NRXN1: variants seen among roughly 807,000 people sequenced by gnomAD.
NRXN1 encodes the protein neurexin-1.
NRXN1 carries 39 observed loss-of-function variants against 150.9 expected under a neutral mutation model. That is an observed-to-expected ratio of 0.26 (90% confidence interval 0.20 to 0.34). The LOEUF is 0.34. Ranked by LOEUF, NRXN1 falls within the 10% of genes least tolerant of loss-of-function variation. The pLI is 1.00. For synonymous variants in NRXN1, 924 were observed against 757.0 expected (o/e 1.22, Z -3.62); for missense variants, 1,815 against 1,949.9 (o/e 0.93, Z 1.30).
intron 2 of NRXN1, among the ~76,000 whole-genome samples, chr2:50,981,554 T>G (rs1432696733): frequency 1.3e-5 from 2 of 151,770 alleles, no homozygotes; most frequent in Non-Finnish European, 2.9e-5. Flanking sequence ...CCATTTGTAT[T>G]ACGTATTAAT....
At chr2:50,027,812 T>A (rs937403947) in intron 21 of NRXN1, among the ~76,000 whole-genome samples, 3 of 152,162 alleles carry the variant, frequency 2.0e-5, no homozygotes, top group Non-Finnish European at 2.9e-5. Flanking sequence ...CTAACACCTT[T>A]GCTCAAACTG....
At chr2:50,398,379 T>A (rs1969351) in intron 17 of NRXN1, among the ~76,000 whole-genome samples, 40,087 of 151,922 alleles carry the variant, frequency 0.26, 6,069 homozygotes, top group African/African-American at 0.4. Context: ...CTAAAAAGGG[T>A]ATACTATTCA....
chr2:50,053,530 C>A lies in NRXN1; in HGVS notation c.3869G>T (p.Gly1290Val), dbSNP rs1558777086. 8.7e-6 allele frequency: 14 copies of A among 1,614,062 alleles called. No homozygotes were observed. Among genetic ancestry groups the A allele is most frequent in the Non-Finnish European group, 1.2e-5 (14 of 1,179,942 alleles). ...ATIIIGGKEQ[G>V]QPFQGQLSGL... Reference sequence around the variant, plus strand: ...AGAGAGCTGGCCCTGGAAGGGCTGGCCCTGCTCTTTCCCGCCAATTATTAT... The same window carrying A: ...AGAGAGCTGGCCCTGGAAGGGCTGGACCTGCTCTTTCCCGCCAATTATTAT... Residue 1290 changes from glycine (G) to valine (V), a missense_variant, in exon 21 of 23, where the codon GGC becomes GTC. Around this residue, in one of 6 missense-constraint regions of NRXN1, gnomAD observed 265 missense variants for 307.1 expected, o/e 0.86. Transcript: ENST00000401669.
intron 18 of NRXN1, among the ~76,000 whole-genome samples, chr2:50,153,930 C>T (rs1048194872): frequency 6.6e-6 from 1 of 151,686 alleles, no homozygotes; most frequent in Non-Finnish European, 1.5e-5. Flanking sequence ...ATGGCTTCTA[C>T]AAGCTGCATG....
In NRXN1 at chr2:50,421,718, T is replaced by C. The variant is rs532459352; in HGVS notation, c.3364+43724A>G. 4.6e-5 allele frequency among the ~76,000 whole-genome samples: 7 copies of C among 152,288 alleles called. No individual in the cohort carries two copies. In the East Asian group the frequency reaches 1.2e-3, roughly 25 times the overall value. ...TGGACTCCTAAACAGAGCAATTCAA[T>C]GTATTTTGTAGCTAAACAAAGTGCA... On this transcript the variant is annotated intron_variant, in intron 17 of 22. Coordinates refer to ENST00000401669, the MANE Select transcript of NRXN1 (RefSeq NM_001330078.2).
chr2:50,392,276 G>A (rs1281184884), intron 17 of NRXN1, among the ~76,000 whole-genome samples: 6 of 152,094 alleles, frequency 3.9e-5, no homozygotes. Context: ...TTGTCTTACT[G>A]CCTTTCTAAT....
chr2:50,434,475 T>G (rs1441981015), intron 17 of NRXN1, among the ~76,000 whole-genome samples: 1 of 152,026 alleles, frequency 6.6e-6, no homozygotes, highest in Non-Finnish European at 1.5e-5. Flanking sequence ...TCTCAAAGTA[T>G]CTCCCAAGAC....
chr2:50,845,148 CT>C (rs148052308), intron 5 of NRXN1, among the ~76,000 whole-genome samples: 12,048 of 152,136 alleles, frequency 0.079, 585 homozygotes, highest in Non-Finnish European at 0.11. Flanking sequence ...TGGCTCTCAA[CT>C]AATCTCTGAA....
chr2:50,060,253 T>G (rs1490849615), intron 19 of NRXN1, among the ~76,000 whole-genome samples: 4 of 152,170 alleles, frequency 2.6e-5, no homozygotes, highest in Non-Finnish European at 4.4e-5. Flanking sequence ...GGAGATCATT[T>G]TGGAGCTTTA....
intron 5 of NRXN1, among the ~76,000 whole-genome samples, chr2:50,872,862 T>C (rs1475629025): frequency 6.6e-6 from 1 of 151,678 alleles, no homozygotes; most frequent in Non-Finnish European, 1.5e-5. Flanking sequence ...TAGCTACATG[T>C]AGTGAAGAAT....
intron 17 of NRXN1, among the ~76,000 whole-genome samples, chr2:50,340,713 T>C (rs1394878501): frequency 1.4e-4 from 21 of 151,492 alleles, no homozygotes; most frequent in Admixed American, 1.4e-3. Flanking sequence ...TAGTCCAATT[T>C]AAAAAAAAGA....
chr2:49,970,045 A>G (rs1035142963), intron 21 of NRXN1: 1 of 152,140 alleles, frequency 6.6e-6, no homozygotes, highest in African/African-American at 2.4e-5. Context: ...TGGCTCCCCA[A>G]AATAATATTC....
At chr2:50,394,377 A>G (rs989727565) in intron 17 of NRXN1, among the ~76,000 whole-genome samples, 6 of 152,150 alleles carry the variant, frequency 3.9e-5, no homozygotes, top group Non-Finnish European at 7.4e-5. Context: ...CCAAAGGATA[A>G]AAGTCTTGAT....
At position 50,347,581 on chromosome 2, in the gene NRXN1, G is replaced by T. The variant is rs201192951; in HGVS notation, c.3365-110611C>A. ...GCAGCGGCGCGCATCGCCTGCTCCC[G>T]AGGCAATCTCCGCGTCCGCCGCCTC... On this transcript the variant is annotated intron_variant, in intron 17 of 22. Transcript: ENST00000401669. This position sits in a 1 kb window ranked among gnomAD's most constrained non-coding sequence, Gnocchi z 4.9. 3 of 1,015,796 alleles carry T rather than the reference G, an allele frequency of 3.0e-6. No homozygotes were observed. Among genetic ancestry groups the T allele is most frequent in the Middle Eastern group, 4.9e-4 (1 of 2,030 alleles). The allele number at this position is 1,015,796 out of a possible 1,614,324, so 62.9% of individuals were successfully genotyped here. A position where few individuals can be genotyped will look rare whatever the true frequency, so the allele number is the denominator to read the frequency against.
intron 2 of NRXN1, among the ~76,000 whole-genome samples, chr2:50,983,277 G>A (rs1697134313): frequency 1.3e-5 from 2 of 152,036 alleles, no homozygotes; most frequent in African/African-American, 2.4e-5. Context: ...GCATTTAGGG[G>A]TATGAGGAAT....
chr2:50,080,094 C>G (rs1697723580), intron 19 of NRXN1, among the ~76,000 whole-genome samples: 2 of 152,058 alleles, frequency 1.3e-5, no homozygotes, highest in South Asian at 4.1e-4. Flanking sequence ...ATCCCGTTTT[C>G]TAGTGTATCC....
chr2:50,015,878 T>C (rs1001668230), intron 21 of NRXN1, among the ~76,000 whole-genome samples: 43 of 152,278 alleles, frequency 2.8e-4, no homozygotes, highest in African/African-American at 9.6e-4. Context: ...GATAAAACTA[T>C]CTTGCAGGAT....
chr2:50,189,057 C>T (rs1377601537), intron 18 of NRXN1, among the ~76,000 whole-genome samples: 1 of 152,158 alleles, frequency 6.6e-6, no homozygotes, highest in African/African-American at 2.4e-5. Context: ...ACTATAAAGA[C>T]ACATGCACAC....
chr2:50,369,842 T>C (rs79286443), intron 17 of NRXN1, among the ~76,000 whole-genome samples: 2,210 of 152,060 alleles, frequency 0.015, 52 homozygotes, highest in African/African-American at 0.048. Context: ...AATCTCCCAG[T>C]GTAGGGCTGG....
Sources: allele counts gnomAD v4.1 joint callset (sites outside exome capture counted in the v4.1 genomes callset), GRCh38; gene constraint gnomAD v4.1.1; regional missense constraint gnomAD v4.1.1; non-coding constraint Gnocchi (gnomAD v3.1); transcripts MANE v1.5; gene names NCBI Gene and HGNC (gene_info 2026-07-23, HGNC 2026-07-21).